Variants in UGT1A9 observed in about 807,000 individuals in gnomAD.
UGT1A9 encodes UDP glucuronosyltransferase family 1 member A9.
UGT1A9 carries 35 observed loss-of-function variants against 45.0 expected under a neutral mutation model. The observed-to-expected ratio is 0.78, with a 90% confidence interval of 0.59 to 1.03. The LOEUF (loss-of-function observed/expected upper bound fraction) is 1.03, where lower values mean the gene tolerates loss of function less well. Among genes scored for constraint, UGT1A9 ranks in the 50% least tolerant of loss-of-function variants. UGT1A9 has a pLI of 0.00. For synonymous variants in UGT1A9, 278 were observed against 250.6 expected (o/e 1.11, Z -1.03); for missense variants, 687 against 666.6 (o/e 1.03, Z -0.34).
intron 1 of UGT1A9, among the ~76,000 whole-genome samples, chr2:233,723,472 A>G (rs1156962983): frequency 1.5e-5 from 2 of 137,344 alleles, no homozygotes; most frequent in African/African-American, 5.7e-5. Context: ...AGCCTCCCAA[A>G]GTGCTAGGAT....
chr2:233,718,911 G>C, intron 1 of UGT1A9: 2 of 1,614,072 alleles, frequency 1.2e-6, no homozygotes, highest in Non-Finnish European at 1.7e-6. Flanking sequence ...GAGTGGAAAG[G>C]TGTTGGTGGT....
chr2:233,691,645 G>T, intron 1 of UGT1A9: 7 of 985,472 alleles, frequency 7.1e-6, no homozygotes, highest in Non-Finnish European at 8.4e-6. Context: ...GGCAGGGCCA[G>T]TGTGACCCTC....
At position 233,672,621 on chromosome 2, in the gene UGT1A9, A is replaced by G. The variant is rs200362930; in HGVS notation, c.687A>G (p.Glu229=). The change falls in exon 1 of 5, where the codon GAA becomes GAG. Residue 229 remains glutamate, a synonymous_variant. Coordinates refer to ENST00000354728, the MANE Select transcript of UGT1A9 (RefSeq NM_021027.3). The stretch of plus-strand genomic sequence containing the variant: ...ACCGTTTTTTCAAAAATGCCCTAGA[A>G]ATAGCCTCTGAAATTCTCCAAACAC... ...LCHRFFKNAL[E]IASEILQTPV... is the part of the protein sequence containing the mutation. 2 of 1,613,896 alleles carry G rather than the reference A, an allele frequency of 1.2e-6. No individual in the cohort carries two copies. The highest frequency in any genetic ancestry group is 1.7e-6 in the Non-Finnish European group (2 of 1,179,834).
chr2:233,691,689 CAGGAG>C (rs45549435), intron 1 of UGT1A9: 388,597 of 968,978 alleles, frequency 0.4, 78,686 homozygotes, highest in South Asian at 0.46. Flanking sequence ...ACCTGAAGCT[CAGGAG>C]AGGAGTCACT....
intron 1 of UGT1A9, among the ~76,000 whole-genome samples, chr2:233,710,236 G>A (rs1321260776): frequency 1.3e-5 from 2 of 152,146 alleles, no homozygotes; most frequent in African/African-American, 2.4e-5. Context: ...ATGACTATTC[G>A]AGTACGAGTG....
chr2:233,737,721 C>CT (rs1222184655), intron 1 of UGT1A9, among the ~76,000 whole-genome samples: 6 of 151,320 alleles, frequency 4.0e-5, no homozygotes, highest in Non-Finnish European at 7.4e-5. Context: ...CCAACACCTC[C>CT]TTTTTTTTTC....
At chr2:233,735,705 G>A (rs1237070783) in intron 1 of UGT1A9, among the ~76,000 whole-genome samples, 2 of 151,900 alleles carry the variant, frequency 1.3e-5, no homozygotes, top group African/African-American at 2.4e-5. Flanking sequence ...GGCAGGCCTG[G>A]TGGTGACAAA....
At position 233,685,362 on chromosome 2, in the gene UGT1A9, AATC is replaced by A. The variant is rs2074736293; in HGVS notation, c.855+12575_855+12577del. On this transcript the variant is annotated intron_variant, in intron 1 of 4. Transcript: ENST00000354728. ...AGTGGTTTTAATGAGAAAAAAAGAA[AATC>A]ACTTCCACTTTTCTTGACTTGTTGG... Among the ~76,000 whole-genome samples the A allele has an allele frequency of 2.0e-5, 3 of 152,248 alleles. No homozygotes were observed. In the South Asian group the frequency reaches 6.2e-4, roughly 32 times the overall value.
intron 1 of UGT1A9, among the ~76,000 whole-genome samples, chr2:233,726,595 T>C (rs6715325): frequency 0.46 from 69,783 of 152,034 alleles, 16,487 homozygotes; most frequent in South Asian, 0.58. Flanking sequence ...TAAGAGCCCT[T>C]GTGATTACAC....
chr2:233,711,161 T>C (rs2076166477), intron 1 of UGT1A9, among the ~76,000 whole-genome samples: 4 of 152,226 alleles, frequency 2.6e-5, no homozygotes, highest in African/African-American at 4.8e-5. Context: ...TCCTATTTCC[T>C]GGGCACCAGG....
chr2:233,740,052 T>C (rs368597738), intron 1 of UGT1A9, among the ~76,000 whole-genome samples: 5 of 151,870 alleles, frequency 3.3e-5, no homozygotes, highest in African/African-American at 1.2e-4. Context: ...CTTTCTCCTT[T>C]ACTCACAAGC....
At position 233,713,511 on chromosome 2, in the gene UGT1A9, A is replaced by G. The variant is rs763014830; in HGVS notation, c.855+40722A>G. On this transcript the variant is annotated intron_variant, in intron 1 of 4. Transcript: ENST00000354728. ...GTCGATTCCTGCTGTGTTTTTCTTG[A>G]GGAACATTCCATGTGATTTAGACTT... 25 of 1,613,762 alleles carry G rather than the reference A, an allele frequency of 1.5e-5. No homozygotes were observed. In the East Asian group the frequency reaches 4.7e-4, roughly 30 times the overall value.
chr2:233,710,599 GGTTT>G (rs1342342339), intron 1 of UGT1A9, among the ~76,000 whole-genome samples: 2 of 152,000 alleles, frequency 1.3e-5, no homozygotes, highest in Admixed American at 6.5e-5. Context: ...CACCTTTATT[GGTTT>G]GTTTGTCTTC....
chr2:233,742,633 C>A (rs1280681642), intron 1 of UGT1A9: 1 of 152,070 alleles, frequency 6.6e-6, no homozygotes, highest in African/African-American at 2.4e-5. Context: ...TGAAGACAGT[C>A]CTAGTATACC....
chr2:233,680,970 C>T (rs12472689), intron 1 of UGT1A9, among the ~76,000 whole-genome samples: 27,603 of 151,780 alleles, frequency 0.18, 2,725 homozygotes, highest in Non-Finnish European at 0.23. Flanking sequence ...TGGAAGGGTC[C>T]ATGGAGGCAG....
At chr2:233,747,819 G>T (rs1219645107) in intron 1 of UGT1A9, 12 of 1,613,452 alleles carry the variant, frequency 7.4e-6, no homozygotes, top group Non-Finnish European at 1.0e-5. Context: ...GACCAATTCA[G>T]ACCACATGAC....
intron 1 of UGT1A9, among the ~76,000 whole-genome samples, chr2:233,694,854 G>A (rs1014624976): frequency 6.6e-6 from 1 of 152,100 alleles, no homozygotes; most frequent in African/African-American, 2.4e-5. Context: ...CTTTTAATTG[G>A]GACATAATAT....
chr2:233,672,164 A>C lies in UGT1A9; in HGVS notation c.230A>C (p.Tyr77Ser). ...GRSLNCTVKT[Y>S]STSYTLEDLD... ...TCACTGAATTGCACAGTGAAGACTT[A>C]TTCAACTTCATATACCCTGGAGGAT... is the stretch of plus-strand genomic sequence containing the variant. The change falls in exon 1 of 5, where the codon TAT becomes TCT. Residue 77 changes from tyrosine (Y) to serine (S), a missense_variant. Tyr to Ser is a moderately radical substitution (Grantham distance 144, BLOSUM62 -2). Transcript: ENST00000354728. 6.2e-7 allele frequency: 1 copy of C among 1,614,232 alleles called. No homozygotes were observed. Among genetic ancestry groups the C allele is most frequent in the Non-Finnish European group, 8.5e-7 (1 of 1,180,030 alleles).
intron 1 of UGT1A9, among the ~76,000 whole-genome samples, chr2:233,731,515 A>G (rs1195217483): frequency 5.9e-5 from 9 of 152,018 alleles, no homozygotes; most frequent in Non-Finnish European, 2.9e-5. Flanking sequence ...GTTCCCACCT[A>G]TGAGTGAGAA....
Sources: allele counts gnomAD v4.1 joint callset (sites outside exome capture counted in the v4.1 genomes callset), GRCh38; gene constraint gnomAD v4.1.1; transcripts MANE v1.5; gene names NCBI Gene and HGNC (gene_info 2026-07-23, HGNC 2026-07-21).